DSCAM: variants seen among roughly 807,000 people sequenced by gnomAD.
DSCAM encodes the protein DS cell adhesion molecule.
In DSCAM, 47 loss-of-function variants were observed where a neutral mutation model predicts 217.7. That is an observed-to-expected ratio of 0.22 (90% CI 0.17 to 0.28). DSCAM has a LOEUF of 0.28. Among genes scored for constraint, DSCAM ranks in the 10% least tolerant of loss-of-function variants. The probability of loss-of-function intolerance (pLI) is 1.00; values close to 1 mark genes in which losing one functional copy is unlikely to be tolerated. For missense variants in DSCAM, 2,080 were observed against 2,618.3 expected (o/e 0.79, Z 4.49); for synonymous variants, 1,056 against 1,015.3 (o/e 1.04, Z -0.76).
chr21:40,331,210 G>T (rs2074374864), intron 8 of DSCAM, among the ~76,000 whole-genome samples: 1 of 152,158 alleles, frequency 6.6e-6, no homozygotes, highest in Non-Finnish European at 1.5e-5. Flanking sequence ...CAACAGAGTT[G>T]GGTTTGGAAT....
At chr21:40,722,272 C>A (rs1361419520) in intron 1 of DSCAM, among the ~76,000 whole-genome samples, 1 of 152,028 alleles carries the variant, frequency 6.6e-6, no homozygotes, top group African/African-American at 2.4e-5. Context: ...AATATAAAAT[C>A]ATATTTTCTC....
At chr21:40,033,451 A>G (rs1373228441) in intron 32 of DSCAM, among the ~76,000 whole-genome samples, 1 of 152,160 alleles carries the variant, frequency 6.6e-6, no homozygotes, top group Non-Finnish European at 1.5e-5. Flanking sequence ...CCACCCGAAT[A>G]CTGCGCTTTT....
intron 19 of DSCAM, among the ~76,000 whole-genome samples, chr21:40,126,434 C>T (rs1168690488): frequency 6.6e-6 from 1 of 151,964 alleles, no homozygotes; most frequent in East Asian, 1.9e-4. Flanking sequence ...GTGGATTTGT[C>T]CCAATTTGCA....
At chr21:40,767,577 A>G (rs2091404582) in intron 1 of DSCAM, among the ~76,000 whole-genome samples, 1 of 152,172 alleles carries the variant, frequency 6.6e-6, no homozygotes, top group Non-Finnish European at 1.5e-5. Flanking sequence ...CATGTGTGCT[A>G]TTTATGTTTG....
chr21:40,699,812 A>G (rs958915374), intron 2 of DSCAM, among the ~76,000 whole-genome samples: 5 of 152,250 alleles, frequency 3.3e-5, no homozygotes, highest in African/African-American at 1.2e-4. Context: ...TCTTTATAAC[A>G]TACAAATGCA....
intron 1 of DSCAM, among the ~76,000 whole-genome samples, chr21:40,725,179 G>T (rs2090941460): frequency 6.6e-6 from 1 of 152,128 alleles, no homozygotes. Flanking sequence ...ATTGCCATTG[G>T]CATCTCATGA....
chr21:40,663,023 A>ATG (rs138226523), intron 3 of DSCAM, among the ~76,000 whole-genome samples: 36 of 150,864 alleles, frequency 2.4e-4, no homozygotes, highest in African/African-American at 7.5e-4. Flanking sequence ...GTTGTCAATG[A>ATG]TGTGTGTGTG....
intron 4 of DSCAM, among the ~76,000 whole-genome samples, chr21:40,356,987 T>C (rs1049235182): frequency 1.5e-4 from 23 of 152,168 alleles, no homozygotes; most frequent in African/African-American, 5.6e-4. Flanking sequence ...CTCTTTTTAC[T>C]TCACTGGTGT....
intron 11 of DSCAM, among the ~76,000 whole-genome samples, chr21:40,208,749 C>A (rs892939346): frequency 2.0e-5 from 3 of 152,168 alleles, no homozygotes; most frequent in Non-Finnish European, 4.4e-5. Context: ...TTTAGCCCTA[C>A]ACAAAATCCC....
At chr21:40,333,406 C>T (rs1322471867) in intron 8 of DSCAM, among the ~76,000 whole-genome samples, 1 of 152,148 alleles carries the variant, frequency 6.6e-6, no homozygotes, top group Non-Finnish European at 1.5e-5. Flanking sequence ...TCCCTGTCAC[C>T]CAGGATGGAG....
intron 1 of DSCAM, among the ~76,000 whole-genome samples, chr21:40,774,470 T>C (rs759561752): frequency 1.3e-5 from 2 of 152,226 alleles, no homozygotes; most frequent in Non-Finnish European, 2.9e-5. Flanking sequence ...GACAGTTCCT[T>C]TCCTTCTTTG....
chr21:40,744,290 T>C (rs2091153169), intron 1 of DSCAM, among the ~76,000 whole-genome samples: 1 of 152,082 alleles, frequency 6.6e-6, no homozygotes, highest in Non-Finnish European at 1.5e-5. Flanking sequence ...GGTGCTGGAA[T>C]CTTGGAGCTC....
intron 11 of DSCAM, among the ~76,000 whole-genome samples, chr21:40,198,374 C>A (rs934093213): frequency 6.6e-6 from 1 of 152,166 alleles, no homozygotes; most frequent in Non-Finnish European, 1.5e-5. Context: ...CCCTCCCTAA[C>A]TCCCAGTAAC....
At chr21:40,254,729 A>C (rs2073348609) in intron 11 of DSCAM, among the ~76,000 whole-genome samples, 1 of 151,844 alleles carries the variant, frequency 6.6e-6, no homozygotes. Context: ...TGCCTCTCCA[A>C]CTTCCTGTAC....
chr21:40,622,247 G>A (rs550826074), intron 3 of DSCAM, among the ~76,000 whole-genome samples: 4 of 150,282 alleles, frequency 2.7e-5, no homozygotes, highest in African/African-American at 9.7e-5. Flanking sequence ...AAGACAAAAA[G>A]AAAAGGATTT....
At position 40,157,430 on chromosome 21, in the gene DSCAM, G is replaced by A. The variant is rs552517953; in HGVS notation, c.3018+9788C>T. ...GGAGAGAGGGGAGAAAGGTTGACAG[G>A]AGAGGCACTACTAAGAAAGGAGCAT... is the stretch of plus-strand genomic sequence containing the variant. On this transcript the variant is annotated intron_variant, in intron 16 of 32. Coordinates refer to ENST00000400454, the MANE Select transcript of DSCAM (RefSeq NM_001389.5). Among the ~76,000 whole-genome samples the A allele has an allele frequency of 3.3e-4, 51 of 152,336 alleles. No individual in the cohort carries two copies. The South Asian group carries it at 0.01, about 30-fold the overall frequency.
chr21:40,522,759 T>C (rs1255614835), intron 3 of DSCAM, among the ~76,000 whole-genome samples: 4 of 152,220 alleles, frequency 2.6e-5, no homozygotes, highest in African/African-American at 9.6e-5. Flanking sequence ...GAGATTCAGA[T>C]GCCAAATCTT....
chr21:40,031,455 C>G (rs2088522669), intron 32 of DSCAM, among the ~76,000 whole-genome samples: 2 of 152,168 alleles, frequency 1.3e-5, no homozygotes, highest in South Asian at 4.2e-4. Flanking sequence ...ATTACCCTAA[C>G]ACATAAAAGG....
At chr21:40,734,958 T>C (rs1193541044) in intron 1 of DSCAM, among the ~76,000 whole-genome samples, 1 of 152,254 alleles carries the variant, frequency 6.6e-6, no homozygotes, top group Non-Finnish European at 1.5e-5. Flanking sequence ...ATCTTGGATT[T>C]TGACTTGTTA....
Sources: gnomAD v4.1 joint callset for allele counts (sites outside exome capture counted in the v4.1 genomes callset) on GRCh38, gnomAD v4.1.1 for gene constraint, MANE v1.5 for transcripts, NCBI Gene and HGNC (gene_info 2026-07-23, HGNC 2026-07-21) for gene names.